ATF3: variants seen among roughly 807,000 people sequenced by gnomAD.
ATF3 encodes the protein activating transcription factor 3.
ATF3 carries 10 observed loss-of-function variants against 18.4 expected under a neutral mutation model. The observed-to-expected ratio is 0.54, with a 90% CI of 0.34 to 0.92. The LOEUF (loss-of-function observed/expected upper bound fraction) is 0.92, where lower values mean the gene tolerates loss of function less well. Ranked by LOEUF, ATF3 falls within the 40% of genes least tolerant of loss-of-function variation. The probability of loss-of-function intolerance (pLI) is 0.02; values close to 1 mark genes in which losing one functional copy is unlikely to be tolerated. For synonymous variants in ATF3, 78 were observed against 87.9 expected (o/e 0.89, Z 0.63); for missense variants, 183 against 222.3 (o/e 0.82, Z 1.12).
chr1:212,573,459 C>T (rs1298980417), intron 1 of ATF3, among the ~76,000 whole-genome samples: 1 of 151,848 alleles, frequency 6.6e-6, no homozygotes, highest in Non-Finnish European at 1.5e-5. Context: ...ATTAAACCCT[C>T]CTTGGGTTAT....
At chr1:212,600,763 T>G (rs929065135) in intron 1 of ATF3, among the ~76,000 whole-genome samples, 1 of 152,200 alleles carries the variant, frequency 6.6e-6, no homozygotes, top group African/African-American at 2.4e-5. Flanking sequence ...TGTCTCCCCA[T>G]GGGCTGTGAG....
At chr1:212,569,782 A>C (rs1382129551) in intron 1 of ATF3, among the ~76,000 whole-genome samples, 1 of 152,114 alleles carries the variant, frequency 6.6e-6, no homozygotes, top group Non-Finnish European at 1.5e-5. Context: ...GTAATATCTG[A>C]TTCATCAATA....
At chr1:212,601,615 T>C (rs779882049) in intron 1 of ATF3, among the ~76,000 whole-genome samples, 5 of 152,238 alleles carry the variant, frequency 3.3e-5, no homozygotes, top group Non-Finnish European at 7.3e-5. Flanking sequence ...AAAACCTACC[T>C]CACAGGTTAT....
chr1:212,586,794 C>T (rs913530093), intron 1 of ATF3, among the ~76,000 whole-genome samples: 3 of 152,188 alleles, frequency 2.0e-5, no homozygotes, highest in African/African-American at 7.2e-5. Flanking sequence ...ACAGTTATCA[C>T]GCTAAGCCTT....
At chr1:212,576,511 CTTAT>C in intron 1 of ATF3, among the ~76,000 whole-genome samples, 1 of 151,596 alleles carries the variant, frequency 6.6e-6, no homozygotes, top group South Asian at 2.1e-4. Flanking sequence ...GAACACTTTA[CTTAT>C]TTATTGTGCT....
intron 1 of ATF3, among the ~76,000 whole-genome samples, chr1:212,580,940 T>A (rs1664672859): frequency 6.6e-6 from 1 of 152,134 alleles, no homozygotes; most frequent in South Asian, 2.1e-4. Flanking sequence ...GGCTAATTTT[T>A]GTATTTTTAG....
chr1:212,570,900 C>T (rs906790019), intron 1 of ATF3, among the ~76,000 whole-genome samples: 1 of 152,130 alleles, frequency 6.6e-6, no homozygotes, highest in African/African-American at 2.4e-5. Context: ...AGTTTGGTGC[C>T]ATTATGAATA....
At chr1:212,569,989 T>C (rs1199724204) in intron 1 of ATF3, among the ~76,000 whole-genome samples, 1 of 152,220 alleles carries the variant, frequency 6.6e-6, no homozygotes, top group Non-Finnish European at 1.5e-5. Context: ...AAAGAAATTT[T>C]CCACATGTTT....
chr1:212,603,294 T>G lies in ATF3; in HGVS notation c.-4-11724T>G, dbSNP rs562222939. Among the ~76,000 whole-genome samples the G allele has an allele frequency of 1.4e-4, 21 of 152,326 alleles. No homozygotes were observed. The East Asian group carries it at 3.7e-3, about 27-fold the overall frequency. On this transcript the variant is annotated intron_variant, in intron 1 of 3. Coordinates refer to the ATF3 transcript ENST00000366981. ...CTAGCCCATGCTGCAGACTACATTTTCTGCTTCAAGGTAGATGAAGAGGAA... is the reference window on the plus strand; with the variant it reads ...CTAGCCCATGCTGCAGACTACATTTGCTGCTTCAAGGTAGATGAAGAGGAA...
chr1:212,582,890 A>G (rs1239492790), intron 1 of ATF3, among the ~76,000 whole-genome samples: 2 of 151,886 alleles, frequency 1.3e-5, no homozygotes, highest in Non-Finnish European at 2.9e-5. Context: ...CGAGAAACAG[A>G]GGCTCAGAGA....
chr1:212,610,873 G>A (rs1320386060), intron 1 of ATF3, among the ~76,000 whole-genome samples: 2 of 152,138 alleles, frequency 1.3e-5, no homozygotes, highest in Non-Finnish European at 2.9e-5. Flanking sequence ...TCAGCAGCTT[G>A]GCATGGGCTG....
At chr1:212,614,958 G>A in intron 1 of ATF3, 60 bp from the exon 2 acceptor site, 1 of 1,613,724 alleles carries the variant, frequency 6.2e-7, no homozygotes, top group South Asian at 1.1e-5. Flanking sequence ...GTGGGGGAGG[G>A]GGACTTGATC....
intron 1 of ATF3, among the ~76,000 whole-genome samples, 152 bp downstream of exon 1, chr1:212,609,082 C>G (rs888624350): frequency 3.3e-5 from 5 of 152,350 alleles, no homozygotes; most frequent in Admixed American, 2.6e-4. Context: ...GCTTAAACTT[C>G]TTCTAAGCCA....
At chr1:212,582,728 G>A (rs1364522554) in intron 1 of ATF3, among the ~76,000 whole-genome samples, 2 of 152,174 alleles carry the variant, frequency 1.3e-5, no homozygotes, top group Non-Finnish European at 2.9e-5. Context: ...CAGAGACTGA[G>A]TGATTTCAGG....
chr1:212,604,514 T>C (rs1654569366), upstream of ATF3, among the ~76,000 whole-genome samples: 2 of 152,156 alleles, frequency 1.3e-5, no homozygotes, highest in African/African-American at 4.8e-5. Flanking sequence ...GGGTGAAAAT[T>C]CTTGGAAGTA....
At chr1:212,597,795 G>A (rs578082860) in intron 1 of ATF3, among the ~76,000 whole-genome samples, 2 of 152,200 alleles carry the variant, frequency 1.3e-5, no homozygotes, top group East Asian at 1.9e-4. Context: ...TTTCCGTTTC[G>A]CTTATATAAG....
chr1:212,595,107 C>A (rs1049067940), intron 1 of ATF3, among the ~76,000 whole-genome samples: 1 of 152,002 alleles, frequency 6.6e-6, no homozygotes, highest in Non-Finnish European at 1.5e-5. Flanking sequence ...GTAAGATGAG[C>A]AAAATAGGAT....
intron 1 of ATF3, among the ~76,000 whole-genome samples, chr1:212,602,597 T>C (rs1458884481): frequency 6.6e-6 from 1 of 152,190 alleles, no homozygotes; most frequent in African/African-American, 2.4e-5. Flanking sequence ...GCTCACTAGC[T>C]AGGTAACTTC....
intron 1 of ATF3, among the ~76,000 whole-genome samples, chr1:212,571,421 T>A (rs1664477785): frequency 6.6e-6 from 1 of 152,162 alleles, no homozygotes; most frequent in African/African-American, 2.4e-5. Context: ...TATTATTATT[T>A]TTTGAGATGG....
Sources: allele counts gnomAD v4.1 joint callset (sites outside exome capture counted in the v4.1 genomes callset), GRCh38; gene constraint gnomAD v4.1.1; transcripts MANE v1.5; gene names NCBI Gene and HGNC (gene_info 2026-07-23, HGNC 2026-07-21).